The following TTLL1 variants were observed in gnomAD, a reference collection of about 807,000 sequenced individuals.
The protein encoded by TTLL1 is polyglutamylase complex subunit TTLL1.
TTLL1 carries 33 observed loss-of-function variants against 47.8 expected under a neutral mutation model. The ratio of observed to expected loss-of-function variants is 0.69; its 90% CI spans 0.52 to 0.92. The LOEUF (loss-of-function observed/expected upper bound fraction) is 0.92, where lower values mean the gene tolerates loss of function less well. TTLL1 is among the 40% of genes least tolerant of loss of function. The probability of loss-of-function intolerance (pLI) is 0.00; values close to 1 mark genes in which losing one functional copy is unlikely to be tolerated. For synonymous variants in TTLL1, 225 were observed against 214.1 expected, an observed-to-expected ratio of 1.05 and a Z score of -0.45; for missense variants, 488 against 547.5, an observed-to-expected ratio of 0.89 and a Z score of 1.08.
At chr22:43,051,629 G>A (rs1194204850) in intron 9 of TTLL1, among the ~76,000 whole-genome samples, 172 bp downstream of exon 9, 1 of 152,046 alleles carries the variant, frequency 6.6e-6, no homozygotes, top group African/African-American at 2.4e-5. Flanking sequence ...GAGCAAGGCA[G>A]GAATGTGCTT....
intron 2 of TTLL1, 124 bp from the exon 3 acceptor site, chr22:43,075,714 C>T (rs902849615): frequency 2.0e-5 from 16 of 815,070 alleles, no homozygotes; most frequent in South Asian, 4.6e-5. Flanking sequence ...GGTTCTCAAC[C>T]AGGAGTGATT....
chr22:43,087,539 A>AAAG (rs1929304826), intron 1 of TTLL1, among the ~76,000 whole-genome samples: 1 of 150,810 alleles, frequency 6.6e-6, no homozygotes, highest in African/African-American at 2.4e-5. Flanking sequence ...AAAAAAAAAA[A>AAAG]AGAAATACAG....
intron 1 of TTLL1, among the ~76,000 whole-genome samples, chr22:43,080,840 A>G (rs1248261235): frequency 7.0e-6 from 1 of 143,558 alleles, no homozygotes. Flanking sequence ...CCCTTTAAGT[A>G]CATTCCTTCT....
chr22:43,073,744 T>G (rs1211672023), intron 3 of TTLL1, among the ~76,000 whole-genome samples: 1 of 151,946 alleles, frequency 6.6e-6, no homozygotes, highest in East Asian at 1.9e-4. Flanking sequence ...TTGTTTCCAG[T>G]ATTTTACCCC....
intron 5 of TTLL1, among the ~76,000 whole-genome samples, chr22:43,065,367 G>GCAA (rs578245424): frequency 2.1e-3 from 315 of 151,946 alleles, no homozygotes; most frequent in Middle Eastern, 6.8e-3. Flanking sequence ...TTGGCTCACT[G>GCAA]CAACCTCCAC....
At chr22:43,071,934 G>A (rs5751425) in intron 3 of TTLL1, among the ~76,000 whole-genome samples, 33,000 of 152,132 alleles carry the variant, frequency 0.22, 5,257 homozygotes, top group East Asian at 0.68. Context: ...ACCTGTGGCC[G>A]CTGTGGCACG....
In TTLL1 at chr22:43,082,511, T is replaced by C. The variant is rs549451548; in HGVS notation, c.-89-2525A>G. On this transcript the variant is annotated intron_variant, in intron 1 of 10. Transcript: ENST00000266254. Reference sequence around the variant, plus strand: ...TGGGTGGATCACCTAAGGTCTGGAGTTCGAGACCAGCCTGACCAACATGGT... The same window carrying C: ...TGGGTGGATCACCTAAGGTCTGGAGCTCGAGACCAGCCTGACCAACATGGT... Among the ~76,000 whole-genome samples the C allele has an allele frequency of 2.1e-4, 32 of 151,506 alleles. No individual in the cohort carries two copies. In the South Asian group the frequency reaches 6.7e-3, roughly 32 times the overall value.
chr22:43,060,805 G>A (rs1190105503), intron 7 of TTLL1, among the ~76,000 whole-genome samples: 3 of 152,190 alleles, frequency 2.0e-5, no homozygotes, highest in African/African-American at 7.2e-5. Flanking sequence ...CATTTTCTAA[G>A]TATAAAGTGA....
chr22:43,046,130 A>T (rs1926107977), intron 10 of TTLL1, among the ~76,000 whole-genome samples: 1 of 152,192 alleles, frequency 6.6e-6, no homozygotes, highest in Admixed American at 6.6e-5. Context: ...CTGAGGCAGG[A>T]GAACTGCTTG....
rs554637378 is a variant in TTLL1, at chr22:43,076,897, C to G, written c.-4-1307G>C. On this transcript the variant is annotated intron_variant, in intron 2 of 10. Coordinates refer to ENST00000266254, the MANE Select transcript of TTLL1 (RefSeq NM_012263.5). ...CAGGTGGATCACGAGGTCAGGAGAT[C>G]GAGACCATCCTGGCTAACACAGTAA... 4.0e-5 allele frequency among the ~76,000 whole-genome samples: 6 copies of G among 150,722 alleles called. No individual in the cohort carries two copies. In the East Asian group the frequency reaches 7.9e-4, roughly 20 times the overall value.
At chr22:43,070,055 G>T in intron 3 of TTLL1, 2 of 1,181,180 alleles carry the variant, frequency 1.7e-6, no homozygotes, top group Admixed American at 4.2e-5. Context: ...AGGGCCAGGA[G>T]CTGTGCTGAT....
rs1927496105 is a variant in TTLL1 at position 43,063,170 on chromosome 22, G to A, written c.747+643C>T. On this transcript the variant is annotated intron_variant, in intron 7 of 10. Coordinates refer to ENST00000266254, the MANE Select transcript of TTLL1 (RefSeq NM_012263.5). ...TGACATCCTCCCACAGTCCCGCCAG[G>A]TAATACTATGATCTCCTTTTATAAA... Among the ~76,000 whole-genome samples, 6 of 152,130 alleles carry A rather than the reference G, an allele frequency of 3.9e-5. No individual in the cohort carries two copies. The South Asian group carries it at 1.2e-3, about 32-fold the overall frequency.
chr22:43,061,424 G>C (rs1264900492), intron 7 of TTLL1, among the ~76,000 whole-genome samples: 2 of 152,194 alleles, frequency 1.3e-5, no homozygotes, highest in Non-Finnish European at 2.9e-5. Context: ...AAGTCACACA[G>C]AGGTAAGTGA....
chr22:43,079,879 G>T (rs1928768372), intron 2 of TTLL1, 23 bp downstream of exon 2: 1 of 152,052 alleles, frequency 6.6e-6, no homozygotes, highest in Non-Finnish European at 1.5e-5. Flanking sequence ...GGTCCCTAAG[G>T]GGCCGTCTCA....
At chr22:43,049,559 A>T (rs962365487) in intron 9 of TTLL1, among the ~76,000 whole-genome samples, 2 of 149,848 alleles carry the variant, frequency 1.3e-5, no homozygotes, top group African/African-American at 4.9e-5. Flanking sequence ...AAACACACAC[A>T]AAAAAACCCA....
intron 4 of TTLL1, 127 bp from the exon 5 acceptor site, chr22:43,068,717 C>A (rs1350079667): frequency 3.9e-6 from 3 of 769,858 alleles, no homozygotes; most frequent in Non-Finnish European, 5.6e-6. Context: ...CAGCAGCTAA[C>A]AGAACAAGGG....
chr22:43,087,560 G>A (rs1267983049), intron 1 of TTLL1, among the ~76,000 whole-genome samples: 3 of 151,202 alleles, frequency 2.0e-5, no homozygotes, highest in African/African-American at 7.3e-5. Context: ...ATTCTTAGCA[G>A]GGCACGGTGG....
At position 43,064,267 on chromosome 22, in the gene TTLL1, C is replaced by T. The variant is rs149053924; in HGVS notation, c.561G>A (p.Pro187=). The change falls in exon 6 of 11, where the codon CCG becomes CCA. Residue 187 remains proline (P), a synonymous_variant. Transcript: ENST00000266254. ...AYVISLYINN[P]LLIGGRKFDL... ...CGAACTTCCTCCCGCCAATTAGTAA[C>T]GGGTTGTTAATATAGAGAGAGATCA... The T allele has an allele frequency of 9.7e-5, 156 of 1,614,068 alleles. No individual in the cohort carries two copies. The highest frequency in any genetic ancestry group is 5.1e-4 in the African/African-American group (38 of 75,004).
At chr22:43,079,502 G>A (rs10427660) in intron 2 of TTLL1, among the ~76,000 whole-genome samples, 13,473 of 152,220 alleles carry the variant, frequency 0.089, 1,520 homozygotes, top group African/African-American at 0.25. Flanking sequence ...AGCCTCCACA[G>A]CTGTGATTTC....
Sources: allele counts gnomAD v4.1 joint callset (sites outside exome capture counted in the v4.1 genomes callset), GRCh38; gene constraint gnomAD v4.1.1; transcripts MANE v1.5; gene names NCBI Gene and HGNC (gene_info 2026-07-23, HGNC 2026-07-21).